BMP8B: variants seen among roughly 807,000 people sequenced by gnomAD.
BMP8B encodes bone morphogenetic protein 8b.
A neutral mutation model predicts 30.3 loss-of-function variants in BMP8B; 17 were observed. The observed-to-expected ratio is 0.56, with a 90% CI of 0.38 to 0.84. The LOEUF (loss-of-function observed/expected upper bound fraction) is 0.84, where lower values mean the gene tolerates loss of function less well. BMP8B is among the 40% of genes least tolerant of loss of function. The pLI, the probability that BMP8B is intolerant of heterozygous loss-of-function variation, is 0.00. For synonymous variants in BMP8B, 131 were observed against 214.7 expected, an observed-to-expected ratio of 0.61 and a Z score of 3.41; for missense variants, 253 against 494.6, an observed-to-expected ratio of 0.51 and a Z score of 4.63.
chr1:39,757,821 A>C lies in BMP8B; in HGVS notation c.*2598T>G, dbSNP rs1648451838. On this transcript the variant is annotated 3_prime_UTR_variant, in exon 7 of 7. Coordinates refer to ENST00000372827, the MANE Select transcript of BMP8B (RefSeq NM_001720.5). ...GATTAAATTCATGGACTTTGTGTTC[A>C]TTCACAATTGTTTCATTGCTCAAGG... 6.6e-6 allele frequency: 1 copy of C among 152,258 alleles called. No homozygotes were observed. The highest frequency in any genetic ancestry group is 1.5e-5 in the Non-Finnish European group (1 of 68,038). 9.4% of individuals were successfully genotyped at this position (152,258 alleles called of 1,614,324 possible).
At chr1:39,775,949 A>C (rs1650196030) in intron 1 of BMP8B, among the ~76,000 whole-genome samples, 1 of 152,294 alleles carries the variant, frequency 6.6e-6, no homozygotes, top group Admixed American at 6.5e-5. Context: ...TGCTCTAGGG[A>C]GAGGGGACCT....
At chr1:39,766,222 C>T (rs1048816434) in intron 3 of BMP8B, among the ~76,000 whole-genome samples, 9 of 146,062 alleles carry the variant, frequency 6.2e-5, no homozygotes, top group Admixed American at 2.0e-4. Context: ...CCTCTTCACT[C>T]CGTGCATGGG....
intron 1 of BMP8B, among the ~76,000 whole-genome samples, chr1:39,783,047 A>G (rs1334567638): frequency 6.6e-6 from 1 of 152,106 alleles, no homozygotes; most frequent in Admixed American, 6.6e-5. Flanking sequence ...TCCGCACACC[A>G]CCACACCTGG....
At chr1:39,763,319 G>A in intron 5 of BMP8B, 117 bp from the exon 6 acceptor site, 3 of 1,038,896 alleles carry the variant, frequency 2.9e-6, no homozygotes, top group Non-Finnish European at 4.2e-6. Context: ...AATCCACCCA[G>A]GAACCCCCGG....
chr1:39,783,362 T>C (rs972798715), intron 1 of BMP8B, among the ~76,000 whole-genome samples: 5 of 152,180 alleles, frequency 3.3e-5, no homozygotes, highest in African/African-American at 1.2e-4. Context: ...CATAATCATT[T>C]ACTCAGGGGT....
chr1:39,787,092 C>G (rs1248045030), intron 1 of BMP8B, among the ~76,000 whole-genome samples: 2 of 152,260 alleles, frequency 1.3e-5, no homozygotes, highest in Non-Finnish European at 2.9e-5. Context: ...AGCGTAGAGG[C>G]TGCGCTGTCC....
intron 1 of BMP8B, among the ~76,000 whole-genome samples, chr1:39,787,357 T>G (rs126821): frequency 0.52 from 78,949 of 151,982 alleles, 20,975 homozygotes; most frequent in Middle Eastern, 0.7. Context: ...AGCAGATGGG[T>G]GACCTGACCA....
At chr1:39,782,916 C>A (rs1010327127) in intron 1 of BMP8B, among the ~76,000 whole-genome samples, 12 of 152,118 alleles carry the variant, frequency 7.9e-5, no homozygotes, top group Non-Finnish European at 1.5e-4. Context: ...GCCTCAGCCG[C>A]CTGAGTAGTT....
chr1:39,783,690 A>T (rs55849286), intron 1 of BMP8B, among the ~76,000 whole-genome samples: 23,026 of 152,202 alleles, frequency 0.15, 2,037 homozygotes, highest in Middle Eastern at 0.29. Context: ...GGAGGATCAG[A>T]TGAGGCCAGG....
At position 39,760,476 on chromosome 1, in the gene BMP8B, G is replaced by A; in HGVS notation, c.1152C>T (p.Asn384=). ...TGCGGTGCTTGCGCAGGATGACATT[G>A]TTGCTGCTGTCATAGTAGAGCACAG... The part of the protein sequence containing the change: ...ATSVLYYDSS[N]NVILRKHRNM... The change falls in exon 7 of 7, where the codon AAC becomes AAT. Residue 384 remains asparagine (N), a synonymous_variant. Transcript: ENST00000372827. 1 of 1,614,182 alleles carries A rather than the reference G, an allele frequency of 6.2e-7. No homozygotes were observed. Among genetic ancestry groups the A allele is most frequent in the Non-Finnish European group, 8.5e-7 (1 of 1,180,018 alleles).
intron 5 of BMP8B, 156 bp downstream of exon 5, chr1:39,763,556 C>G: frequency 8.6e-7 from 1 of 1,166,564 alleles, no homozygotes; most frequent in Non-Finnish European, 1.2e-6. Flanking sequence ...AAAACCCTTT[C>G]TCACCATATT....
At chr1:39,778,047 G>A (rs943186089) in intron 1 of BMP8B, among the ~76,000 whole-genome samples, 3 of 152,256 alleles carry the variant, frequency 2.0e-5, no homozygotes, top group Non-Finnish European at 4.4e-5. Context: ...GGGCCGGGAC[G>A]GAGCCACGTG....
intron 1 of BMP8B, among the ~76,000 whole-genome samples, chr1:39,775,844 G>C (rs1440311469): frequency 1.3e-5 from 2 of 152,026 alleles, no homozygotes; most frequent in Non-Finnish European, 2.9e-5. Context: ...GAAGTCGGAG[G>C]GTCTCACTGG....
At position 39,788,644 on chromosome 1, in the gene BMP8B, G is replaced by T; in HGVS notation, c.-159C>A. ...GGGCGGCGACCGCGGCCTCAGCGCGGTCCCTGGAGCGCCCGCCGCGCGACA... is the reference window on the plus strand; with the variant it reads ...GGGCGGCGACCGCGGCCTCAGCGCGTTCCCTGGAGCGCCCGCCGCGCGACA... On this transcript the variant is annotated 5_prime_UTR_variant, in exon 1 of 7. Transcript: ENST00000372827. This position sits in a 1 kb window ranked among gnomAD's most constrained non-coding sequence, Gnocchi z 5.8. The T allele has an allele frequency of 1.5e-6, 1 of 649,232 alleles. No individual in the cohort carries two copies. Among genetic ancestry groups the T allele is most frequent in the Non-Finnish European group, 1.9e-6 (1 of 523,666 alleles). 40.2% of individuals were successfully genotyped at this position (649,232 alleles called of 1,614,324 possible). A position where few individuals can be genotyped will look rare whatever the true frequency, so the allele number is the denominator to read the frequency against.
chr1:39,765,161 G>GCT (rs1649527242), intron 3 of BMP8B, among the ~76,000 whole-genome samples: 1 of 145,946 alleles, frequency 6.9e-6, no homozygotes, highest in African/African-American at 2.5e-5. Flanking sequence ...TCCTTACAGT[G>GCT]ACCCTGCAGC....
At chr1:39,781,276 G>T (rs1650617581) in intron 1 of BMP8B, among the ~76,000 whole-genome samples, 1 of 152,184 alleles carries the variant, frequency 6.6e-6, no homozygotes, top group Admixed American at 6.5e-5. Context: ...CCTGATGTGT[G>T]CAGGGTCCAG....
In BMP8B at chr1:39,760,199, G is replaced by T; in HGVS notation, c.*220C>A. 4 of 763,708 alleles carry T rather than the reference G, an allele frequency of 5.2e-6. No homozygotes were observed. The highest frequency in any genetic ancestry group is 1.8e-5 in the African/African-American group (1 of 56,738). 47.3% of individuals were successfully genotyped at this position (763,708 alleles called of 1,614,324 possible). A position where few individuals can be genotyped will look rare whatever the true frequency, so the allele number is the denominator to read the frequency against. On this transcript the variant is annotated 3_prime_UTR_variant, in exon 7 of 7. Coordinates refer to ENST00000372827, the MANE Select transcript of BMP8B (RefSeq NM_001720.5). ...TTGGGTAGAACACTGCCTGATGATTGAGACCACCTGGGCTGGAAACAGGAC... is the reference window on the plus strand; with the variant it reads ...TTGGGTAGAACACTGCCTGATGATTTAGACCACCTGGGCTGGAAACAGGAC...
intron 3 of BMP8B, among the ~76,000 whole-genome samples, chr1:39,768,616 C>T (rs1432998645): frequency 1.3e-5 from 2 of 149,758 alleles, no homozygotes; most frequent in Non-Finnish European, 3.0e-5. Context: ...CTTTGGGAGG[C>T]CAAGGCAGGT....
chr1:39,785,552 G>A (rs1322182283), intron 1 of BMP8B, among the ~76,000 whole-genome samples: 4 of 152,278 alleles, frequency 2.6e-5, no homozygotes, highest in Non-Finnish European at 5.9e-5. Flanking sequence ...GCCATCAAGA[G>A]TTGGGCCCTA....
Sources: gnomAD v4.1 joint callset for allele counts (sites outside exome capture counted in the v4.1 genomes callset) on GRCh38, gnomAD v4.1.1 for gene constraint, Gnocchi (gnomAD v3.1) non-coding constraint, MANE v1.5 for transcripts, NCBI Gene and HGNC (gene_info 2026-07-23, HGNC 2026-07-21) for gene names.